CERS6: variants seen among roughly 807,000 people sequenced by gnomAD.
CERS6 encodes the protein LAG1 homolog, ceramide synthase 6.
CERS6 carries 26 observed loss-of-function variants against 56.8 expected under a neutral mutation model. That is an observed-to-expected ratio of 0.46 (90% CI 0.34 to 0.63). The LOEUF (loss-of-function observed/expected upper bound fraction) is 0.63. Ranked by LOEUF, CERS6 falls within the 30% of genes least tolerant of loss-of-function variation. The probability of loss-of-function intolerance (pLI) is 0.01; values close to 1 mark genes in which losing one functional copy is unlikely to be tolerated. For missense variants in CERS6, 415 were observed against 467.5 expected (o/e 0.89, Z 1.04); for synonymous variants, 164 against 173.3 (o/e 0.95, Z 0.42).
At chr2:168,521,031 A>G (rs1224066114) in intron 1 of CERS6, among the ~76,000 whole-genome samples, 2 of 152,148 alleles carry the variant, frequency 1.3e-5, no homozygotes. Flanking sequence ...GCTGTATTCT[A>G]TTTCTTATAG....
At chr2:168,557,623 A>G (rs1353808581) in intron 2 of CERS6, among the ~76,000 whole-genome samples, 1 of 152,206 alleles carries the variant, frequency 6.6e-6, no homozygotes, top group Non-Finnish European at 1.5e-5. Flanking sequence ...ACTCAATACC[A>G]ATATGTATTC....
intron 1 of CERS6, among the ~76,000 whole-genome samples, chr2:168,527,780 G>A (rs957296307): frequency 3.3e-5 from 5 of 152,102 alleles, no homozygotes; most frequent in African/African-American, 1.2e-4. Context: ...GACTTAAGTA[G>A]TAGTATCTCA....
At chr2:168,478,947 C>T (rs781669309) in intron 1 of CERS6, among the ~76,000 whole-genome samples, 5 of 152,098 alleles carry the variant, frequency 3.3e-5, no homozygotes, top group Non-Finnish European at 7.4e-5. Context: ...AATTTTTGAG[C>T]CATCTTGAAT....
chr2:168,481,449 A>G (rs1694177571), intron 1 of CERS6, among the ~76,000 whole-genome samples: 1 of 152,192 alleles, frequency 6.6e-6, no homozygotes, highest in Non-Finnish European at 1.5e-5. Context: ...ATCAGCCGCA[A>G]GCTGACTTTG....
chr2:168,476,616 G>A (rs1337553910), intron 1 of CERS6, among the ~76,000 whole-genome samples: 1 of 152,058 alleles, frequency 6.6e-6, no homozygotes, highest in Non-Finnish European at 1.5e-5. Flanking sequence ...TCAGTACCTT[G>A]GCTCAGTCTA....
chr2:168,542,822 G>T (rs1284575956), intron 1 of CERS6, among the ~76,000 whole-genome samples: 1 of 152,074 alleles, frequency 6.6e-6, no homozygotes, highest in Non-Finnish European at 1.5e-5. Context: ...TCAGCTTCCA[G>T]AGTAGCTGGG....
chr2:168,585,879 T>G (rs1683529311), intron 3 of CERS6, among the ~76,000 whole-genome samples: 2 of 152,208 alleles, frequency 1.3e-5, no homozygotes, highest in Non-Finnish European at 2.9e-5. Context: ...CTGATTTCTT[T>G]AAGTTCAAAT....
At chr2:168,571,383 G>A (rs1211707884) in intron 3 of CERS6, among the ~76,000 whole-genome samples, 3 of 152,040 alleles carry the variant, frequency 2.0e-5, no homozygotes, top group East Asian at 1.9e-4. Context: ...GAAACTTGGC[G>A]CATTGCACAT....
chr2:168,477,169 G>C (rs1398862584), intron 1 of CERS6, among the ~76,000 whole-genome samples: 1 of 119,904 alleles, frequency 8.3e-6, no homozygotes, highest in African/African-American at 3.5e-5. Context: ...GAATGAGGGA[G>C]AGACAGAGAG....
chr2:168,687,894 A>G lies in CERS6; in HGVS notation c.466-3140A>G, dbSNP rs60598316. Among the ~76,000 whole-genome samples, 2,546 of 152,200 alleles carry G rather than the reference A, an allele frequency of 0.017. 133 individuals carry two copies. In the East Asian group the frequency reaches 0.2, roughly 12 times the overall value. On this transcript the variant is annotated intron_variant, in intron 4 of 9. Coordinates refer to ENST00000305747, the MANE Select transcript of CERS6 (RefSeq NM_203463.3). ...AGTTTTCATATTATTTGTAGAGATGAGGTCCCACTGTGTTGCCCAGGCCGG... is the reference window on the plus strand; with the variant it reads ...AGTTTTCATATTATTTGTAGAGATGGGGTCCCACTGTGTTGCCCAGGCCGG...
chr2:168,685,223 C>A (rs974734286), intron 4 of CERS6, among the ~76,000 whole-genome samples: 1 of 152,150 alleles, frequency 6.6e-6, no homozygotes, highest in Admixed American at 6.5e-5. Context: ...CCTTTTACAT[C>A]TTTGATGAGG....
Position 168,561,180 on chromosome 2 carries a change from C to T in CERS6, c.277-12C>T, listed in dbSNP as rs1028384966. On this transcript the variant is annotated splice_polypyrimidine_tract_variant and intron_variant, in intron 2 of 9. Coordinates refer to ENST00000305747, the MANE Select transcript of CERS6 (RefSeq NM_203463.3). ...GGATTGAAAATTATTTTTCTGGTACCTTGTTTCATAGCATCCTGATGAAAA... is the reference window on the plus strand; with the variant it reads ...GGATTGAAAATTATTTTTCTGGTACTTTGTTTCATAGCATCCTGATGAAAA... 6.2e-7 allele frequency: 1 copy of T among 1,613,132 alleles called. No homozygotes were observed. Among genetic ancestry groups the T allele is most frequent in the Non-Finnish European group, 8.5e-7 (1 of 1,179,434 alleles).
intron 1 of CERS6, among the ~76,000 whole-genome samples, chr2:168,510,028 C>G (rs1258887121): frequency 6.6e-6 from 1 of 150,734 alleles, no homozygotes; most frequent in Non-Finnish European, 1.5e-5. Context: ...AAAATATAAT[C>G]ACAAGAAAAA....
chr2:168,699,920 A>G (rs1293838112), intron 6 of CERS6, among the ~76,000 whole-genome samples: 1 of 152,260 alleles, frequency 6.6e-6, no homozygotes, highest in Non-Finnish European at 1.5e-5. Context: ...GTTGGAGCTC[A>G]GAACAGCTTG....
intron 1 of CERS6, among the ~76,000 whole-genome samples, chr2:168,488,510 A>G (rs1272124931): frequency 1.3e-5 from 2 of 152,008 alleles, no homozygotes; most frequent in Non-Finnish European, 2.9e-5. Context: ...ATTTTGAAAA[A>G]TCTTTTTTCA....
At chr2:168,605,506 C>T (rs58073108) in intron 3 of CERS6, among the ~76,000 whole-genome samples, 7,113 of 152,276 alleles carry the variant, frequency 0.047, 575 homozygotes, top group African/African-American at 0.16. Flanking sequence ...AAGCAGGCTG[C>T]AGAAATTTGC....
intron 4 of CERS6, among the ~76,000 whole-genome samples, chr2:168,660,507 A>G (rs1685602088): frequency 6.6e-6 from 1 of 152,118 alleles, no homozygotes; most frequent in Non-Finnish European, 1.5e-5. Context: ...ATGTTTTCAC[A>G]CTCTTCTAAA....
At chr2:168,725,993 C>T (rs1395185386) in intron 8 of CERS6, among the ~76,000 whole-genome samples, 2 of 152,184 alleles carry the variant, frequency 1.3e-5, no homozygotes, top group Non-Finnish European at 2.9e-5. Flanking sequence ...TATGTGTAAT[C>T]TCTACGTTCC....
At chr2:168,667,095 T>C (rs1685781376) in intron 4 of CERS6, among the ~76,000 whole-genome samples, 1 of 152,250 alleles carries the variant, frequency 6.6e-6, no homozygotes, top group South Asian at 2.1e-4. Flanking sequence ...TTCTACACTA[T>C]AGCTTGTCAT....
Sources: gnomAD v4.1 joint callset for allele counts (sites outside exome capture counted in the v4.1 genomes callset) on GRCh38, gnomAD v4.1.1 for gene constraint, MANE v1.5 for transcripts, NCBI Gene and HGNC (gene_info 2026-07-23, HGNC 2026-07-21) for gene names.